Variants in DSCAM observed in about 807,000 individuals in gnomAD.
DSCAM encodes the protein DS cell adhesion molecule.
A neutral mutation model predicts 217.7 loss-of-function variants in DSCAM; 47 were observed. The ratio of observed to expected loss-of-function variants is 0.22; its 90% confidence interval spans 0.17 to 0.28. The LOEUF (loss-of-function observed/expected upper bound fraction) is 0.28, where lower values mean the gene tolerates loss of function less well. DSCAM is among the 10% of genes least tolerant of loss of function. The pLI, the probability that DSCAM is intolerant of heterozygous loss-of-function variation, is 1.00. For synonymous variants in DSCAM, 1,056 were observed against 1,015.3 expected (o/e 1.04, Z -0.76); for missense variants, 2,080 against 2,618.3 (o/e 0.79, Z 4.49).
chr21:40,312,919 C>T (rs1473277346), intron 8 of DSCAM, among the ~76,000 whole-genome samples: 2 of 151,892 alleles, frequency 1.3e-5, no homozygotes, highest in Non-Finnish European at 2.9e-5. Context: ...TCAAGACTAG[C>T]CTGGGCAACA....
intron 1 of DSCAM, among the ~76,000 whole-genome samples, chr21:40,757,786 A>G (rs1242307142): frequency 1.3e-5 from 2 of 152,180 alleles, no homozygotes; most frequent in African/African-American, 4.8e-5. Context: ...TTGGGCCACT[A>G]AGTTTTGGCA....
chr21:40,280,901 A>G (rs1168735532), intron 10 of DSCAM, among the ~76,000 whole-genome samples: 2 of 152,266 alleles, frequency 1.3e-5, no homozygotes, highest in Non-Finnish European at 1.5e-5. Context: ...AGAGGCTCCC[A>G]TGGGAAGGAA....
intron 3 of DSCAM, among the ~76,000 whole-genome samples, chr21:40,683,597 A>G (rs1277338093): frequency 1.3e-5 from 2 of 152,150 alleles, no homozygotes; most frequent in African/African-American, 4.8e-5. Context: ...AACAGAGGGC[A>G]CAGCTGATGA....
chr21:40,155,750 G>T lies in DSCAM; in HGVS notation c.3019-11019C>A, dbSNP rs570120440. Among the ~76,000 whole-genome samples the T allele has an allele frequency of 3.7e-4, 57 of 152,246 alleles. No homozygotes were observed. The South Asian group carries it at 0.011, about 30-fold the overall frequency. ...TAAAGAGGTCAGTCGGGCAGGGGTG[G>T]AGCTGAGTGAGATGAAGGCACATCC... On this transcript the variant is annotated intron_variant, in intron 16 of 32. Transcript: ENST00000400454.
intron 10 of DSCAM, among the ~76,000 whole-genome samples, chr21:40,282,837 C>T (rs558993166): frequency 7.2e-5 from 11 of 152,152 alleles, no homozygotes; most frequent in South Asian, 2.1e-4. Context: ...AATGCTAAGT[C>T]GTCTCAATTA....
At chr21:40,502,846 T>A (rs1168571759) in intron 3 of DSCAM, among the ~76,000 whole-genome samples, 1 of 152,214 alleles carries the variant, frequency 6.6e-6, no homozygotes, top group East Asian at 1.9e-4. Flanking sequence ...TGGGGAGTCA[T>A]AATTCTGCCT....
chr21:40,684,737 GATAATA>G (rs775554335), intron 3 of DSCAM, among the ~76,000 whole-genome samples: 1 of 152,126 alleles, frequency 6.6e-6, no homozygotes, highest in African/African-American at 2.4e-5. Flanking sequence ...TTAGCTTGTC[GATAATA>G]ATAATAATCT....
In DSCAM at chr21:40,160,943, G is replaced by C. The variant is rs181015821; in HGVS notation, c.3018+6275C>G. On this transcript the variant is annotated intron_variant, in intron 16 of 32. Coordinates refer to ENST00000400454, the MANE Select transcript of DSCAM (RefSeq NM_001389.5). ...TTAGTCCAAGTTCAATTTGTGTCCTGTCAAGGCCACTCTGCTGGAGAGGTA... is the reference window on the plus strand; with the variant it reads ...TTAGTCCAAGTTCAATTTGTGTCCTCTCAAGGCCACTCTGCTGGAGAGGTA... Among the ~76,000 whole-genome samples, 250 of 152,312 alleles carry C rather than the reference G, an allele frequency of 1.6e-3. 4 individuals are homozygous for C. Among genetic ancestry groups the C allele is most frequent in the Non-Finnish European group, 1.5e-4 (10 of 68,030 alleles).
chr21:40,126,502 A>G (rs921443173), intron 19 of DSCAM, among the ~76,000 whole-genome samples: 3 of 152,208 alleles, frequency 2.0e-5, no homozygotes, highest in Non-Finnish European at 2.9e-5. Flanking sequence ...TGAAAAATGC[A>G]GATGCTACAC....
At chr21:40,275,956 C>T in intron 11 of DSCAM, 141 bp downstream of exon 11, 1 of 869,420 alleles carries the variant, frequency 1.2e-6, no homozygotes, top group Non-Finnish European at 1.6e-6. Context: ...AACAACAAAA[C>T]TTTAAACCCA....
intron 32 of DSCAM, among the ~76,000 whole-genome samples, chr21:40,030,589 C>T (rs1009546114): frequency 7.9e-5 from 12 of 152,130 alleles, no homozygotes; most frequent in South Asian, 4.1e-4. Context: ...CTCTGAACTA[C>T]GACCCTTCAA....
intron 3 of DSCAM, among the ~76,000 whole-genome samples, chr21:40,463,774 C>T (rs1047732375): frequency 5.9e-5 from 9 of 152,208 alleles, no homozygotes; most frequent in Admixed American, 2.0e-4. Context: ...TGCTTCCAGC[C>T]TCTTTGGCAT....
chr21:40,110,324 A>G (rs1038242714), intron 20 of DSCAM, among the ~76,000 whole-genome samples: 1 of 152,236 alleles, frequency 6.6e-6, no homozygotes, highest in Non-Finnish European at 1.5e-5. Flanking sequence ...GAGGACCTCC[A>G]GCAAACTCCA....
At chr21:40,343,073 T>A (rs1206931487) in intron 6 of DSCAM, among the ~76,000 whole-genome samples, 1 of 152,190 alleles carries the variant, frequency 6.6e-6, no homozygotes, top group Non-Finnish European at 1.5e-5. Flanking sequence ...TTTATGTTAT[T>A]GTAAATGAAA....
chr21:40,533,712 T>C (rs1485829210), intron 3 of DSCAM, among the ~76,000 whole-genome samples: 7 of 149,076 alleles, frequency 4.7e-5, no homozygotes, highest in Admixed American at 3.3e-4. Flanking sequence ...CATCCATCCA[T>C]CCACCCACCC....
intron 19 of DSCAM, among the ~76,000 whole-genome samples, chr21:40,132,728 G>A (rs191948676): frequency 1.8e-4 from 28 of 152,336 alleles, no homozygotes; most frequent in Admixed American, 1.4e-3. Flanking sequence ...GAAGATGGCA[G>A]GCTCAGAATA....
Position 40,708,753 on chromosome 21 carries a change from T to C in DSCAM, c.62A>G (p.His21Arg). 6.4e-7 allele frequency: 1 copy of C among 1,573,106 alleles called. No individual in the cohort carries two copies. Among genetic ancestry groups the C allele is most frequent in the Non-Finnish European group, 8.7e-7 (1 of 1,155,980 alleles). The change falls in exon 2 of 33, where the codon CAC becomes CGC. Residue 21 changes from histidine (H) to arginine (R), a missense_variant. Physicochemically the swap from His to Arg is conservative, Grantham distance 29 (BLOSUM62 0). This residue lies in a region of DSCAM where 568 missense variants were observed against 678.1 expected (regional missense o/e 0.84). Transcript: ENST00000400454. Reference sequence around the variant, plus strand: ...TGCATTGACAAAGTAGAGGCTGGAGTGTAGGTCTTCACTGAAAACTGCAAG... The same window carrying C: ...TGCATTGACAAAGTAGAGGCTGGAGCGTAGGTCTTCACTGAAAACTGCAAG... ...SFANVFSEDL[H>R]SSLYFVNASL...
chr21:40,736,734 A>G (rs2091067226), intron 1 of DSCAM, among the ~76,000 whole-genome samples: 2 of 152,238 alleles, frequency 1.3e-5, no homozygotes, highest in Admixed American at 6.5e-5. Context: ...ATATCTTTCT[A>G]TGATGTCACA....
chr21:40,656,050 T>TCAAAA (rs2090071847), intron 3 of DSCAM, among the ~76,000 whole-genome samples: 1 of 152,044 alleles, frequency 6.6e-6, no homozygotes, highest in African/African-American at 2.4e-5. Flanking sequence ...AGACACTGTC[T>TCAAAA]CAAAACAAAA....
Sources: gnomAD v4.1 joint callset for allele counts (sites outside exome capture counted in the v4.1 genomes callset) on GRCh38, gnomAD v4.1.1 for gene constraint, gnomAD v4.1.1 regional missense constraint, MANE v1.5 for transcripts, NCBI Gene and HGNC (gene_info 2026-07-23, HGNC 2026-07-21) for gene names.